NEK10: variants seen among roughly 807,000 people sequenced by gnomAD.
NEK10 encodes the protein serine/threonine-protein kinase Nek10.
NEK10 carries 122 observed loss-of-function variants against 159.8 expected under a neutral mutation model. The observed-to-expected ratio is 0.76, with a 90% CI of 0.66 to 0.89. The LOEUF (loss-of-function observed/expected upper bound fraction) is 0.89, where lower values mean the gene tolerates loss of function less well. Among genes scored for constraint, NEK10 ranks in the 40% least tolerant of loss-of-function variants. The pLI is 0.00. For missense variants in NEK10, 1,342 were observed against 1,323.1 expected, an observed-to-expected ratio of 1.01 and a Z score of -0.22; for synonymous variants, 466 against 457.1, an observed-to-expected ratio of 1.02 and a Z score of -0.25.
At chr3:27,123,699 G>A (rs1392731261) in intron 32 of NEK10, among the ~76,000 whole-genome samples, 7 of 152,110 alleles carry the variant, frequency 4.6e-5, no homozygotes, top group Non-Finnish European at 7.3e-5. Context: ...AGACAGGTTT[G>A]TGACTTTAGG....
chr3:27,334,853 C>T (rs969117735), intron 5 of NEK10, among the ~76,000 whole-genome samples: 2 of 152,042 alleles, frequency 1.3e-5, no homozygotes, highest in African/African-American at 4.8e-5. Flanking sequence ...ATGACACCTC[C>T]AAAGGAGAAC....
chr3:27,245,864 G>C (rs1417348059), intron 23 of NEK10, among the ~76,000 whole-genome samples: 1 of 152,072 alleles, frequency 6.6e-6, no homozygotes. Flanking sequence ...TTATCACTAT[G>C]TATTTCCTCT....
At chr3:27,332,221 A>C (rs1234835935) in intron 5 of NEK10, among the ~76,000 whole-genome samples, 1 of 152,238 alleles carries the variant, frequency 6.6e-6, no homozygotes, top group Non-Finnish European at 1.5e-5. Flanking sequence ...ACGTTTAACA[A>C]AATTTAAGTT....
intron 23 of NEK10, among the ~76,000 whole-genome samples, chr3:27,231,724 T>C (rs1953298271): frequency 6.6e-6 from 1 of 151,618 alleles, no homozygotes; most frequent in Non-Finnish European, 1.5e-5. Context: ...CACCTTTACA[T>C]GCACAAATCA....
At chr3:27,284,042 A>T (rs2042393499) in intron 22 of NEK10, among the ~76,000 whole-genome samples, 1 of 152,184 alleles carries the variant, frequency 6.6e-6, no homozygotes, top group Non-Finnish European at 1.5e-5. Flanking sequence ...TATACTAGTC[A>T]CTGTCCAACA....
At chr3:27,145,032 G>A (rs13433904) in intron 30 of NEK10, among the ~76,000 whole-genome samples, 30,196 of 151,596 alleles carry the variant, frequency 0.2, 3,137 homozygotes, top group African/African-American at 0.26. Flanking sequence ...CAAACATTTG[G>A]CAAATGTTAG....
chr3:27,180,984 C>T (rs1948042823), intron 26 of NEK10, among the ~76,000 whole-genome samples: 1 of 152,136 alleles, frequency 6.6e-6, no homozygotes, highest in African/African-American at 2.4e-5. Context: ...TCACCGCACG[C>T]TGGACACACA....
At chr3:27,333,182 G>T (rs1464427974) in intron 5 of NEK10, among the ~76,000 whole-genome samples, 1 of 152,132 alleles carries the variant, frequency 6.6e-6, no homozygotes, top group Non-Finnish European at 1.5e-5. Flanking sequence ...TACAGGGAAA[G>T]GGTGAGTGAG....
intron 5 of NEK10, among the ~76,000 whole-genome samples, chr3:27,331,898 G>A (rs2046445976): frequency 6.6e-6 from 1 of 151,928 alleles, no homozygotes; most frequent in Admixed American, 6.6e-5. Flanking sequence ...AGGAAACTGG[G>A]GTATAAAATA....
intron 30 of NEK10, among the ~76,000 whole-genome samples, chr3:27,155,944 C>A (rs1945365755): frequency 6.6e-6 from 1 of 152,078 alleles, no homozygotes; most frequent in South Asian, 2.1e-4. Flanking sequence ...AAAATAGGCA[C>A]ATAGACCAAT....
intron 12 of NEK10, among the ~76,000 whole-genome samples, chr3:27,302,464 C>T (rs529536589): frequency 6.6e-6 from 1 of 151,966 alleles, no homozygotes; most frequent in Non-Finnish European, 1.5e-5. Flanking sequence ...TCTTTCCTAG[C>T]TCTGCAGTCT....
chr3:27,134,642 T>C (rs764998198), intron 31 of NEK10, among the ~76,000 whole-genome samples: 1 of 152,196 alleles, frequency 6.6e-6, no homozygotes, highest in Non-Finnish European at 1.5e-5. Context: ...CCTGATGGTC[T>C]GAATTAAGCC....
At chr3:27,207,481 T>A (rs1950625207) in intron 23 of NEK10, among the ~76,000 whole-genome samples, 1 of 152,254 alleles carries the variant, frequency 6.6e-6, no homozygotes, top group Middle Eastern at 3.4e-3. Context: ...AAAATATTAA[T>A]AAAAGAATCT....
At chr3:27,252,255 A>T in intron 23 of NEK10, 1 of 496,058 alleles carries the variant, frequency 2.0e-6, no homozygotes, top group South Asian at 1.5e-5. Flanking sequence ...GTCTGAAGGG[A>T]GGTTGCTATT....
chr3:27,164,243 C>T (rs1201285958), intron 29 of NEK10, among the ~76,000 whole-genome samples: 1 of 152,196 alleles, frequency 6.6e-6, no homozygotes, highest in East Asian at 1.9e-4. Context: ...ATGATGACAG[C>T]AGTGCCCATG....
intron 20 of NEK10, among the ~76,000 whole-genome samples, chr3:27,285,404 C>T (rs1286021652): frequency 6.6e-6 from 1 of 152,012 alleles, no homozygotes; most frequent in East Asian, 1.9e-4. Context: ...TGTATTGTTT[C>T]ATAGTCTGAT....
At chr3:27,324,338 G>A (rs1183181918) in intron 5 of NEK10, among the ~76,000 whole-genome samples, 2 of 152,192 alleles carry the variant, frequency 1.3e-5, no homozygotes, top group African/African-American at 4.8e-5. Context: ...CAAAGAGTTG[G>A]AGCAACAGAG....
intron 25 of NEK10, among the ~76,000 whole-genome samples, chr3:27,196,860 A>G (rs1437511764): frequency 6.6e-6 from 1 of 152,224 alleles, no homozygotes; most frequent in Non-Finnish European, 1.5e-5. Flanking sequence ...ACAACAGACA[A>G]CAGGAACAAA....
chr3:27,204,815 G>T (rs987793471), intron 23 of NEK10, among the ~76,000 whole-genome samples: 1 of 142,736 alleles, frequency 7.0e-6, no homozygotes, highest in Non-Finnish European at 1.5e-5. Flanking sequence ...AGTCATTTGG[G>T]TATATACCCA....
Sources: allele counts gnomAD v4.1 joint callset (sites outside exome capture counted in the v4.1 genomes callset), GRCh38; gene constraint gnomAD v4.1.1; transcripts MANE v1.5; gene names NCBI Gene and HGNC (gene_info 2026-07-23, HGNC 2026-07-21).